ADAMTS6: variants seen among roughly 807,000 people sequenced by gnomAD.
The protein encoded by ADAMTS6 is A disintegrin and metalloproteinase with thrombospondin motifs 6.
In ADAMTS6, 23 loss-of-function variants were observed where a neutral mutation model predicts 144.3. The observed-to-expected ratio is 0.16, with a 90% CI of 0.11 to 0.23. The LOEUF is 0.23. Ranked by LOEUF, ADAMTS6 falls within the 10% of genes least tolerant of loss-of-function variation. The pLI is 1.00. For synonymous variants in ADAMTS6, 444 were observed against 457.5 expected (o/e 0.97, Z 0.38); for missense variants, 999 against 1,379.6 (o/e 0.72, Z 4.37).
intron 9 of ADAMTS6, among the ~76,000 whole-genome samples, chr5:65,309,075 G>A (rs1020233829): frequency 2.7e-5 from 4 of 149,586 alleles, no homozygotes; most frequent in Non-Finnish European, 5.9e-5. Flanking sequence ...CCAGGGACCA[G>A]TTTCATGGGA....
intron 9 of ADAMTS6, among the ~76,000 whole-genome samples, chr5:65,303,544 G>A (rs1743636392): frequency 6.6e-6 from 1 of 151,692 alleles, no homozygotes; most frequent in Admixed American, 6.6e-5. Context: ...AAATCCAGAA[G>A]AAAATTTTCT....
intron 22 of ADAMTS6, among the ~76,000 whole-genome samples, chr5:65,173,224 T>A (rs1753741115): frequency 6.6e-6 from 1 of 152,218 alleles, no homozygotes; most frequent in South Asian, 2.1e-4. Flanking sequence ...ATCCAACATT[T>A]GCTTTTCTTG....
chr5:65,375,955 T>A (rs1751491642), intron 7 of ADAMTS6, among the ~76,000 whole-genome samples: 1 of 152,196 alleles, frequency 6.6e-6, no homozygotes, highest in Non-Finnish European at 1.5e-5. Context: ...GTTCATGTCG[T>A]TTGTAGGGAC....
At chr5:65,316,435 T>C (rs1405963185) in intron 9 of ADAMTS6, among the ~76,000 whole-genome samples, 1 of 151,856 alleles carries the variant, frequency 6.6e-6, no homozygotes, top group African/African-American at 2.4e-5. Context: ...CCAAAACAAA[T>C]GAAAAAAGCT....
intron 3 of ADAMTS6, among the ~76,000 whole-genome samples, chr5:65,467,596 C>T (rs540922867): frequency 4.1e-4 from 62 of 152,088 alleles, no homozygotes; most frequent in African/African-American, 1.5e-3. Flanking sequence ...ATTTTATGCC[C>T]TATATATTCC....
intron 10 of ADAMTS6, among the ~76,000 whole-genome samples, chr5:65,297,616 T>TA (rs1381939625): frequency 6.6e-6 from 1 of 152,176 alleles, no homozygotes; most frequent in Non-Finnish European, 1.5e-5. Flanking sequence ...CACTGGATTT[T>TA]AAAAAATATC....
chr5:65,303,982 T>TA (rs1292398184), intron 9 of ADAMTS6, among the ~76,000 whole-genome samples: 4 of 152,312 alleles, frequency 2.6e-5, no homozygotes, highest in East Asian at 3.9e-4. Flanking sequence ...ACATGATTTT[T>TA]AAAAAATCAG....
chr5:65,456,937 G>C (rs946027946), intron 4 of ADAMTS6, among the ~76,000 whole-genome samples: 1 of 152,164 alleles, frequency 6.6e-6, no homozygotes, highest in Non-Finnish European at 1.5e-5. Flanking sequence ...CCTGTGTCAA[G>C]GGGGTTTTCA....
chr5:65,239,682 AC>A (rs1359094869), intron 15 of ADAMTS6, among the ~76,000 whole-genome samples: 1 of 152,222 alleles, frequency 6.6e-6, no homozygotes, highest in Non-Finnish European at 1.5e-5. Context: ...AGAAGGTAAA[AC>A]AACCCAATTA....
At chr5:65,206,699 C>CAAAAAAAA (rs11296295) in intron 20 of ADAMTS6, among the ~76,000 whole-genome samples, 1 of 77,864 alleles carries the variant, frequency 1.3e-5, no homozygotes, top group Non-Finnish European at 2.4e-5. Context: ...GACTCCATCT[C>CAAAAAAAA]AAAAAAAAAA....
At chr5:65,233,699 A>G (rs80344304) in intron 15 of ADAMTS6, among the ~76,000 whole-genome samples, 3,473 of 152,206 alleles carry the variant, frequency 0.023, 112 homozygotes, top group African/African-American at 0.078. Context: ...AAATGTCCAT[A>G]CTTCCCAAAG....
At chr5:65,299,374 A>G (rs1743152370) in intron 10 of ADAMTS6, among the ~76,000 whole-genome samples, 1 of 152,176 alleles carries the variant, frequency 6.6e-6, no homozygotes, top group Admixed American at 6.5e-5. Context: ...TATGCAAGTG[A>G]GATGTGGAAG....
At chr5:65,399,537 T>G (rs1406804114) in intron 7 of ADAMTS6, among the ~76,000 whole-genome samples, 1 of 152,180 alleles carries the variant, frequency 6.6e-6, no homozygotes, top group Non-Finnish European at 1.5e-5. Flanking sequence ...TTTTTTCCTT[T>G]TTAAGTGGTT....
intron 9 of ADAMTS6, among the ~76,000 whole-genome samples, chr5:65,321,454 C>T (rs186570234): frequency 1.5e-4 from 23 of 151,938 alleles, no homozygotes; most frequent in Non-Finnish European, 1.8e-4. Context: ...TTGTTAGATG[C>T]ATAGTCTGCA....
intron 22 of ADAMTS6, among the ~76,000 whole-genome samples, chr5:65,182,869 A>G (rs745573248): frequency 7.2e-5 from 11 of 152,150 alleles, no homozygotes; most frequent in Non-Finnish European, 1.5e-4. Flanking sequence ...AATGACTGAA[A>G]ATCAACCAGA....
At chr5:65,272,128 T>G (rs1272754927) in intron 12 of ADAMTS6, among the ~76,000 whole-genome samples, 1 of 152,234 alleles carries the variant, frequency 6.6e-6, no homozygotes, top group Non-Finnish European at 1.5e-5. Flanking sequence ...GCTTTCATTC[T>G]TTTTTACTTA....
chr5:65,282,881 GT>G (rs1763095042), intron 11 of ADAMTS6, among the ~76,000 whole-genome samples: 1 of 152,124 alleles, frequency 6.6e-6, no homozygotes, highest in Non-Finnish European at 1.5e-5. Flanking sequence ...GGGTCTAACG[GT>G]TGAGGAGCTT....
intron 14 of ADAMTS6, among the ~76,000 whole-genome samples, chr5:65,242,636 A>C (rs1270788439): frequency 1.3e-5 from 2 of 152,166 alleles, no homozygotes; most frequent in Non-Finnish European, 2.9e-5. Flanking sequence ...AACAACATTC[A>C]GCACTATTAA....
chr5:65,242,231 G>A (rs1354637896), intron 14 of ADAMTS6, 25 bp from the exon 15 acceptor site: 3 of 1,550,462 alleles, frequency 1.9e-6, no homozygotes, highest in Non-Finnish European at 2.6e-6. Flanking sequence ...AATCATAAAT[G>A]GTACCATTGT....
Sources: allele counts gnomAD v4.1 joint callset (sites outside exome capture counted in the v4.1 genomes callset), GRCh38; gene constraint gnomAD v4.1.1; transcripts MANE v1.5; gene names NCBI Gene and HGNC (gene_info 2026-07-23, HGNC 2026-07-21).